Variants in MCM9 observed in about 807,000 individuals in gnomAD.
MCM9 encodes the protein minichromosome maintenance 9 homologous recombination repair factor.
Under a neutral mutation model 72.8 loss-of-function variants are expected in MCM9, and 55 were observed. The ratio of observed to expected loss-of-function variants is 0.76; its 90% CI spans 0.61 to 0.95. The LOEUF (loss-of-function observed/expected upper bound fraction) is 0.95, where lower values mean the gene tolerates loss of function less well. Ranked by LOEUF, MCM9 falls within the 40% of genes least tolerant of loss-of-function variation. The pLI is 0.00. For synonymous variants in MCM9, 480 were observed against 503.4 expected, an observed-to-expected ratio of 0.95 and a Z score of 0.62; for missense variants, 1,279 against 1,377.0, an observed-to-expected ratio of 0.93 and a Z score of 1.13.
intron 8 of MCM9, among the ~76,000 whole-genome samples, chr6:118,859,354 T>C (rs137938319): frequency 0.057 from 8,707 of 152,204 alleles, 361 homozygotes; most frequent in East Asian, 0.19. Flanking sequence ...TCTTTTGGTT[T>C]CCAGTCTAGC....
chr6:118,905,123 A>G (rs1189249243), intron 8 of MCM9, among the ~76,000 whole-genome samples: 1 of 152,198 alleles, frequency 6.6e-6, no homozygotes, highest in East Asian at 1.9e-4. Flanking sequence ...AGTGTAAGCA[A>G]CCACACCCAA....
intron 3 of MCM9, among the ~76,000 whole-genome samples, chr6:118,928,792 C>T (rs1249679745): frequency 1.3e-5 from 2 of 150,732 alleles, no homozygotes; most frequent in African/African-American, 4.9e-5. Flanking sequence ...TTAGAGACTG[C>T]AGTGAGCTAT....
intron 8 of MCM9, among the ~76,000 whole-genome samples, chr6:118,873,896 C>T (rs1562419143): frequency 6.6e-6 from 1 of 152,090 alleles, no homozygotes; most frequent in Non-Finnish European, 1.5e-5. Context: ...ATCTAGTCCA[C>T]AATGCATAAA....
chr6:118,860,870 C>T (rs555563962), intron 8 of MCM9, among the ~76,000 whole-genome samples: 1 of 152,320 alleles, frequency 6.6e-6, no homozygotes, highest in Admixed American at 6.5e-5. Flanking sequence ...TCTATTATCA[C>T]ATCATGTCAC....
intron 8 of MCM9, among the ~76,000 whole-genome samples, chr6:118,863,069 AACCTGAAAGATAAAAAC>A (rs1777000585): frequency 1.3e-5 from 2 of 152,220 alleles, no homozygotes; most frequent in Admixed American, 1.3e-4. Context: ...AGACAAAAAA[AACCTGAAAGATAAAAAC>A]TTTTATTTTC....
chr6:118,900,232 CT>C (rs1368593054), intron 8 of MCM9, among the ~76,000 whole-genome samples: 1 of 152,174 alleles, frequency 6.6e-6, no homozygotes, highest in African/African-American at 2.4e-5. Flanking sequence ...AAGCCACTTA[CT>C]TCTGAGCCAT....
chr6:118,887,015 C>T (rs920989015), intron 8 of MCM9, among the ~76,000 whole-genome samples: 8 of 152,046 alleles, frequency 5.3e-5, no homozygotes, highest in East Asian at 1.9e-4. Flanking sequence ...AAATTAAAGG[C>T]GAACTCATGT....
At chr6:118,891,377 T>G (rs1583559189) in intron 8 of MCM9, among the ~76,000 whole-genome samples, 1 of 152,158 alleles carries the variant, frequency 6.6e-6, no homozygotes, top group East Asian at 1.9e-4. Flanking sequence ...TATAGCTATA[T>G]TAGGTTGTTA....
At chr6:118,927,880 C>T (rs1782030793) in intron 3 of MCM9, among the ~76,000 whole-genome samples, 1 of 152,130 alleles carries the variant, frequency 6.6e-6, no homozygotes, top group African/African-American at 2.4e-5. Context: ...CTAGAGTAAC[C>T]TGAGCAATAC....
At chr6:118,925,046 A>T (rs1781775153) in intron 3 of MCM9, among the ~76,000 whole-genome samples, 5 of 151,946 alleles carry the variant, frequency 3.3e-5, no homozygotes, top group Admixed American at 3.3e-4. Context: ...CCTGTCCAAA[A>T]AAAAAGAAAG....
At chr6:118,900,532 T>G (rs751951953) in intron 8 of MCM9, among the ~76,000 whole-genome samples, 11 of 152,236 alleles carry the variant, frequency 7.2e-5, no homozygotes, top group Non-Finnish European at 1.5e-4. Context: ...TTATCTTGTT[T>G]GTGAGGCACT....
chr6:118,934,793 C>T (rs1782772236), intron 1 of MCM9, 98 bp downstream of exon 1: 1 of 152,304 alleles, frequency 6.6e-6, no homozygotes, highest in South Asian at 2.1e-4. Flanking sequence ...TGTCCGGTCC[C>T]GGAGTTGAAT....
intron 9 of MCM9, among the ~76,000 whole-genome samples, chr6:118,830,969 G>A (rs751170654): frequency 2.0e-5 from 3 of 152,168 alleles, no homozygotes; most frequent in Admixed American, 1.3e-4. Context: ...GAGAAACTTC[G>A]GTGGGGACAC....
chr6:118,924,574 CCA>C (rs745479935), intron 3 of MCM9, among the ~76,000 whole-genome samples: 5 of 152,234 alleles, frequency 3.3e-5, no homozygotes, highest in East Asian at 1.9e-4. Flanking sequence ...AGCATGACGA[CCA>C]CAGAGTTCCA....
intron 4 of MCM9, among the ~76,000 whole-genome samples, chr6:118,922,674 A>C (rs184383418): frequency 1.2e-3 from 186 of 152,354 alleles, no homozygotes; most frequent in Middle Eastern, 0.01. Context: ...TACAACACAC[A>C]TGTGATGGAG....
At chr6:118,839,770 T>C (rs1012421427) in intron 9 of MCM9, among the ~76,000 whole-genome samples, 3 of 152,184 alleles carry the variant, frequency 2.0e-5, no homozygotes, top group South Asian at 2.1e-4. Flanking sequence ...ACAGCAAAGA[T>C]TGCTGCCTGT....
At chr6:118,847,755 A>G (rs1271619653) in intron 9 of MCM9, among the ~76,000 whole-genome samples, 5 of 151,930 alleles carry the variant, frequency 3.3e-5, no homozygotes, top group Admixed American at 3.3e-4. Context: ...CTGACCAGGA[A>G]TAATCAACTG....
intron 9 of MCM9, among the ~76,000 whole-genome samples, chr6:118,846,718 C>A (rs1431759269): frequency 1.3e-5 from 2 of 151,698 alleles, no homozygotes; most frequent in Non-Finnish European, 2.9e-5. Context: ...GACAAATCAA[C>A]CATCCCCTTA....
At chr6:118,931,908 T>C (rs753955908) in intron 2 of MCM9, among the ~76,000 whole-genome samples, 170 bp from the exon 3 acceptor site, 6 of 152,248 alleles carry the variant, frequency 3.9e-5, no homozygotes, top group Non-Finnish European at 7.3e-5. Context: ...ACAGTCACAG[T>C]ACATGTACTT....
Sources: gnomAD v4.1 joint callset for allele counts (sites outside exome capture counted in the v4.1 genomes callset) on GRCh38, gnomAD v4.1.1 for gene constraint, MANE v1.5 for transcripts, NCBI Gene and HGNC (gene_info 2026-07-23, HGNC 2026-07-21) for gene names.